The following ADAMTS12 variants were observed in gnomAD, a reference collection of about 807,000 sequenced individuals.
ADAMTS12 encodes the protein ADAM metallopeptidase with thrombospondin type 1 motif 12.
ADAMTS12 carries 118 observed loss-of-function variants against 167.8 expected under a neutral mutation model. That is an observed-to-expected ratio of 0.70 (90% confidence interval 0.61 to 0.82). The LOEUF is 0.82. Ranked by LOEUF, ADAMTS12 falls within the 40% of genes least tolerant of loss-of-function variation. The pLI is 0.00. For synonymous variants in ADAMTS12, 704 were observed against 716.9 expected, an observed-to-expected ratio of 0.98 and a Z score of 0.29; for missense variants, 1,916 against 1,998.8, an observed-to-expected ratio of 0.96 and a Z score of 0.79.
At chr5:33,835,053 C>A (rs1748456510) in intron 2 of ADAMTS12, among the ~76,000 whole-genome samples, 1 of 152,180 alleles carries the variant, frequency 6.6e-6, no homozygotes, top group African/African-American at 2.4e-5. Context: ...ATGCGGCTAA[C>A]CATTTTTCAA....
chr5:33,588,547 G>C, intron 18 of ADAMTS12, 52 bp downstream of exon 18: 2 of 1,591,798 alleles, frequency 1.3e-6, no homozygotes, highest in Non-Finnish European at 1.7e-6. Flanking sequence ...AGGAAGGCAG[G>C]GGCTGATGAA....
intron 2 of ADAMTS12, among the ~76,000 whole-genome samples, chr5:33,803,869 C>A (rs1747114856): frequency 6.6e-6 from 1 of 152,054 alleles, no homozygotes; most frequent in African/African-American, 2.4e-5. Context: ...CAATTACCTC[C>A]TATGGGATCC....
At chr5:33,847,164 G>A (rs542631171) in intron 2 of ADAMTS12, among the ~76,000 whole-genome samples, 136 of 152,292 alleles carry the variant, frequency 8.9e-4, no homozygotes, top group South Asian at 2.7e-3. Flanking sequence ...CTGAGAGAAG[G>A]AAAATGTTAA....
chr5:33,805,862 T>C (rs974184913), intron 2 of ADAMTS12, among the ~76,000 whole-genome samples: 3 of 150,494 alleles, frequency 2.0e-5, no homozygotes, highest in African/African-American at 7.4e-5. Flanking sequence ...CACTCCAGCC[T>C]GGGCAACAGA....
chr5:33,703,260 T>C (rs1194779976), intron 3 of ADAMTS12, among the ~76,000 whole-genome samples: 16 of 152,168 alleles, frequency 1.1e-4, no homozygotes, highest in Non-Finnish European at 7.4e-5. Context: ...GCTTGACACA[T>C]GAAAAGCTGT....
intron 2 of ADAMTS12, among the ~76,000 whole-genome samples, chr5:33,794,942 TCCCAGAGAA>T (rs1456746106): frequency 6.6e-6 from 1 of 152,174 alleles, no homozygotes; most frequent in Non-Finnish European, 1.5e-5. Flanking sequence ...GTCCTTTTTC[TCCCAGAGAA>T]CCCATTATTT....
chr5:33,734,546 T>C (rs1413826166), intron 3 of ADAMTS12, among the ~76,000 whole-genome samples: 1 of 152,232 alleles, frequency 6.6e-6, no homozygotes, highest in East Asian at 1.9e-4. Context: ...ACATTTAATT[T>C]ACTGTGCTAA....
intron 2 of ADAMTS12, among the ~76,000 whole-genome samples, chr5:33,859,145 G>A (rs1042824752): frequency 5.9e-5 from 9 of 152,216 alleles, no homozygotes; most frequent in African/African-American, 1.9e-4. Flanking sequence ...CACCTGGAAT[G>A]CCAGCAAGAA....
chr5:33,686,730 G>C (rs1398777114), intron 3 of ADAMTS12, among the ~76,000 whole-genome samples: 1 of 150,756 alleles, frequency 6.6e-6, no homozygotes, highest in Non-Finnish European at 1.5e-5. Flanking sequence ...GAGGAGACAT[G>C]AAGACACAGC....
At chr5:33,643,586 A>C in intron 9 of ADAMTS12, 116 bp from the exon 10 acceptor site, 1 of 804,926 alleles carries the variant, frequency 1.2e-6, no homozygotes, top group Non-Finnish European at 2.0e-6. Context: ...CACTGTTGTT[A>C]GTGACTAAGA....
intron 23 of ADAMTS12, among the ~76,000 whole-genome samples, chr5:33,534,583 A>C (rs930109951): frequency 3.9e-5 from 6 of 152,158 alleles, no homozygotes; most frequent in Non-Finnish European, 8.8e-5. Flanking sequence ...TTACAGAGAG[A>C]AAATGGTATT....
chr5:33,689,092 A>T (rs907498758), intron 3 of ADAMTS12, among the ~76,000 whole-genome samples: 1 of 152,198 alleles, frequency 6.6e-6, no homozygotes, highest in African/African-American at 2.4e-5. Flanking sequence ...GCAACACAGC[A>T]ACATAGACAC....
intron 18 of ADAMTS12, among the ~76,000 whole-genome samples, chr5:33,586,993 C>G (rs1747386999): frequency 6.6e-6 from 1 of 151,260 alleles, no homozygotes; most frequent in Admixed American, 6.6e-5. Context: ...GATCCCATCT[C>G]TCCCACTGGA....
At position 33,602,035 on chromosome 5, in the gene ADAMTS12, G is replaced by C. The variant is rs1579730861; in HGVS notation, c.2528-5975C>G. Among the ~76,000 whole-genome samples, 6 of 152,026 alleles carry C rather than the reference G, an allele frequency of 3.9e-5. No individual in the cohort carries two copies. In the South Asian group the frequency reaches 1.2e-3, roughly 31 times the overall value. On this transcript the variant is annotated intron_variant, in intron 16 of 23. Transcript: ENST00000504830. ...GACCTCATTCACTTAAAGAAAATCA[G>C]AGGCCTACAATGCCTCACAGCTCTC...
chr5:33,810,341 G>T (rs1408127025), intron 2 of ADAMTS12, among the ~76,000 whole-genome samples: 1 of 152,152 alleles, frequency 6.6e-6, no homozygotes. Context: ...AACCAAATGT[G>T]GGGCAAGTTT....
chr5:33,545,977 T>A, intron 22 of ADAMTS12, 82 bp downstream of exon 22: 3 of 1,501,582 alleles, frequency 2.0e-6, no homozygotes, highest in Non-Finnish European at 2.7e-6. Flanking sequence ...AACCTGCACG[T>A]TGTGCACAGG....
chr5:33,618,253 T>A (rs570505717), intron 14 of ADAMTS12, among the ~76,000 whole-genome samples: 1 of 152,206 alleles, frequency 6.6e-6, no homozygotes, highest in Admixed American at 6.5e-5. Flanking sequence ...GTTGTCTTCA[T>A]GTTGAGTAGG....
At chr5:33,571,333 C>A (rs1298546828) in intron 19 of ADAMTS12, among the ~76,000 whole-genome samples, 1 of 151,886 alleles carries the variant, frequency 6.6e-6, no homozygotes, top group African/African-American at 2.4e-5. Flanking sequence ...CAAAATTGAC[C>A]ACATACTTGG....
At chr5:33,542,787 C>G (rs532835554) in intron 22 of ADAMTS12, among the ~76,000 whole-genome samples, 1 of 152,226 alleles carries the variant, frequency 6.6e-6, no homozygotes, top group East Asian at 1.9e-4. Flanking sequence ...GAAATGAAGG[C>G]AGAAATAAAG....
Sources: gnomAD v4.1 joint callset for allele counts (sites outside exome capture counted in the v4.1 genomes callset) on GRCh38, gnomAD v4.1.1 for gene constraint, MANE v1.5 for transcripts, NCBI Gene and HGNC (gene_info 2026-07-23, HGNC 2026-07-21) for gene names.